Variants in AKAP1 observed in about 807,000 individuals in gnomAD.
AKAP1 encodes the protein A-kinase anchoring protein 1.
AKAP1 carries 32 observed loss-of-function variants against 79.8 expected under a neutral mutation model. The observed-to-expected ratio is 0.40, with a 90% confidence interval of 0.30 to 0.54. The LOEUF (loss-of-function observed/expected upper bound fraction) is 0.54. Ranked by LOEUF, AKAP1 falls within the 20% of genes least tolerant of loss-of-function variation. The pLI, the probability that AKAP1 is intolerant of heterozygous loss-of-function variation, is 0.47. For missense variants in AKAP1, 961 were observed against 1,138.9 expected (o/e 0.84, Z 2.25); for synonymous variants, 416 against 466.7 (o/e 0.89, Z 1.40).
chr17:57,118,327 G>A, intron 8 of AKAP1, 54 bp from the exon 9 acceptor site: 1 of 1,537,790 alleles, frequency 6.5e-7, no homozygotes, highest in Non-Finnish European at 9.0e-7. Context: ...TACATGACAA[G>A]GGTGCCTTGC....
At position 57,119,830 on chromosome 17, in the gene AKAP1, CTTT is replaced by C. The variant is rs3054874; in HGVS notation, c.2638-402_2638-400del. 3.1e-4 allele frequency among the ~76,000 whole-genome samples: 22 copies of C among 70,310 alleles called. 1 individual carries two copies. Among genetic ancestry groups the C allele is most frequent in the South Asian group, 6.3e-4 (1 of 1,582 alleles). 46.1% of individuals were successfully genotyped at this position (70,310 alleles called of 152,430 possible). A position where few individuals can be genotyped will look rare whatever the true frequency, so the allele number is the denominator to read the frequency against. On this transcript the variant is annotated intron_variant, in intron 10 of 10. Transcript: ENST00000337714. ...AAGCCATGTCCCCCACCCTGTTACT[CTTT>C]TTTTTTTTTTTTTTTTTGAGACAGT...
chr17:57,105,787 C>G lies in AKAP1; in HGVS notation c.323C>G (p.Ser108Trp), dbSNP rs201072232. The G allele has an allele frequency of 1.3e-5, 21 of 1,614,068 alleles. No individual in the cohort carries two copies. The highest frequency in any genetic ancestry group is 2.2e-5 in the East Asian group (1 of 44,902). Residue 108 changes from serine to tryptophan, a missense_variant, in exon 2 of 11, where the codon TCG (serine) becomes TGG (tryptophan). Physicochemically the swap from Ser to Trp is radical, Grantham distance 177. Around this residue, in one of 3 missense-constraint regions of AKAP1, gnomAD observed 108 missense variants for 147.6 expected, o/e 0.73. Transcript: ENST00000337714. ...THPPCRRSES[S>W]GILPNTTDMR... ...CCACCTTGCCGAAGATCAGAGTCCT[C>G]GGGCATTCTTCCTAACACCACAGAC...
chr17:57,107,056 C>T lies in AKAP1; in HGVS notation c.1592C>T (p.Ala531Val), dbSNP rs962670970. Residue 531 changes from alanine (A) to valine (V), a missense_variant, in exon 2 of 11, where the codon GCC (alanine) becomes GTC (valine). Physicochemically the swap from Ala to Val is moderately conservative, Grantham distance 64. Coordinates refer to ENST00000337714, the MANE Select transcript of AKAP1 (RefSeq NM_003488.4). ...ACCAGCTCGAGCCCCAGGGACAAGGCCATCACCCCGCCACTGCCAGAAAGT... is the reference window on the plus strand; with the variant it reads ...ACCAGCTCGAGCCCCAGGGACAAGGTCATCACCCCGCCACTGCCAGAAAGT... ...TETSSSPRDK[A>V]ITPPLPESTV... 28 of 1,614,024 alleles carry T rather than the reference C, an allele frequency of 1.7e-5. No homozygotes were observed. Among genetic ancestry groups the T allele is most frequent in the African/African-American group, 2.7e-5 (2 of 74,930 alleles).
rs373009342 is a variant in AKAP1, at chr17:57,086,427, G to T, written c.-25+1029G>T. The T allele has an allele frequency of 1.5e-5, 7 of 456,472 alleles. No homozygotes were observed. The highest frequency in any genetic ancestry group is 1.1e-4 in the South Asian group (7 of 64,552). 28.3% of individuals were successfully genotyped at this position (456,472 alleles called of 1,614,324 possible). ...GTGGTAGGCGGTGCTGTGGCGACTC[G>T]GAACGGCATGGGAGCCCTGGGCGTT... On this transcript the variant is annotated intron_variant, in intron 1 of 10. Transcript: ENST00000337714. The surrounding 1 kb of genome is among the most constrained non-coding windows in gnomAD (Gnocchi z 5.1).
At chr17:57,116,053 G>A (rs574893490) in intron 6 of AKAP1, 58 bp from the exon 7 acceptor site, 1 of 1,579,568 alleles carries the variant, frequency 6.3e-7, no homozygotes, top group East Asian at 2.2e-5. Context: ...TGGCCAGGTG[G>A]CCCTTGGTGC....
chr17:57,101,219 C>T (rs1421577082), intron 1 of AKAP1, among the ~76,000 whole-genome samples: 1 of 152,154 alleles, frequency 6.6e-6, no homozygotes, highest in African/African-American at 2.4e-5. Flanking sequence ...TCTCTTTCTT[C>T]CCCCCAGGAT....
intron 1 of AKAP1, among the ~76,000 whole-genome samples, chr17:57,097,022 A>G (rs1004757328): frequency 1.3e-5 from 2 of 151,282 alleles, no homozygotes; most frequent in Non-Finnish European, 2.9e-5. Context: ...CTTGTGACCT[A>G]CTCTACTTTA....
chr17:57,097,428 T>C lies in AKAP1; in HGVS notation c.-24-8013T>C, dbSNP rs534310699. Among the ~76,000 whole-genome samples the C allele has an allele frequency of 1.4e-4, 21 of 152,320 alleles. No homozygotes were observed. In the South Asian group the frequency reaches 3.9e-3, roughly 29 times the overall value. On this transcript the variant is annotated intron_variant, in intron 1 of 10. Coordinates refer to ENST00000337714, the MANE Select transcript of AKAP1 (RefSeq NM_003488.4). ...AGCAAGGTGAATGACTGTGACCTGA[T>C]GAGGAAATAGGTAAATGCATCTGAT...
At position 57,106,723 on chromosome 17, in the gene AKAP1, C is replaced by T. The variant is rs1667263202; in HGVS notation, c.1259C>T (p.Pro420Leu). The part of the protein sequence containing the change: ...AAVAPPDAGL[P>L]LPGLPAEGSP... ...GTTGCCCCGCCGGATGCTGGCCTCC[C>T]CTTGCCAGGCCTACCAGCAGAGGGC... is the stretch of plus-strand genomic sequence containing the variant. The change falls in exon 2 of 11, where the codon CCC (proline) becomes CTC (leucine). Residue 420 changes from proline to leucine, a missense_variant. Transcript: ENST00000337714. 6.2e-7 allele frequency: 1 copy of T among 1,613,874 alleles called. No individual in the cohort carries two copies. Among genetic ancestry groups the T allele is most frequent in the Admixed American group, 1.7e-5 (1 of 60,010 alleles).
At chr17:57,117,587 C>T (rs1004493216) in intron 8 of AKAP1, among the ~76,000 whole-genome samples, 3 of 152,162 alleles carry the variant, frequency 2.0e-5, no homozygotes, top group Non-Finnish European at 2.9e-5. Context: ...TTGTCTTAAG[C>T]GATTTGCATG....
intron 1 of AKAP1, among the ~76,000 whole-genome samples, chr17:57,097,963 A>G (rs543160686): frequency 2.8e-4 from 42 of 152,224 alleles, no homozygotes; most frequent in Non-Finnish European, 5.1e-4. Context: ...ACTGGGACCA[A>G]CACTCTCTGT....
rs139223130 is a variant in AKAP1 at position 57,114,630 on chromosome 17, G to C, written c.2275G>C (p.Val759Leu). The change falls in exon 6 of 11, where the codon GTG becomes CTG. Residue 759 changes from valine (V) to leucine (L), a missense_variant. Val to Leu is a conservative substitution (Grantham distance 32). Around this residue, in one of 3 missense-constraint regions of AKAP1, gnomAD observed 629 missense variants for 781.1 expected, o/e 0.81. Coordinates refer to ENST00000337714, the MANE Select transcript of AKAP1 (RefSeq NM_003488.4). ...TGGAATCCCCACCTTGCCCACCCCA[G>C]TGGAAAGTAAGCAGTGCCCTGAGGG... ...QPGIPTLPTPVEITVICAAPG... is the reference protein window; with the variant it reads ...QPGIPTLPTPLEITVICAAPG... 6.2e-7 allele frequency: 1 copy of C among 1,613,596 alleles called. No homozygotes were observed. Among genetic ancestry groups the C allele is most frequent in the African/African-American group, 1.3e-5 (1 of 74,922 alleles).
At chr17:57,097,468 G>A (rs747059490) in intron 1 of AKAP1, among the ~76,000 whole-genome samples, 4 of 152,240 alleles carry the variant, frequency 2.6e-5, no homozygotes, top group Admixed American at 6.5e-5. Flanking sequence ...GCCAAGAGGC[G>A]CTTTTGGAAT....
chr17:57,113,594 CTTTTTTTT>C (rs1036422001), intron 5 of AKAP1, among the ~76,000 whole-genome samples: 2 of 82,510 alleles, frequency 2.4e-5, no homozygotes, highest in East Asian at 6.2e-4. Flanking sequence ...GACTCACTCT[CTTTTTTTT>C]TTTTTTTTTT....
rs1288420886 is a variant in AKAP1 at position 57,105,714 on chromosome 17, A to G, written c.250A>G (p.Thr84Ala). 18 of 1,613,990 alleles carry G rather than the reference A, an allele frequency of 1.1e-5. No homozygotes were observed. Among genetic ancestry groups the G allele is most frequent in the Admixed American group, 1.7e-5 (1 of 59,996 alleles). Residue 84 changes from threonine to alanine, a missense_variant, in exon 2 of 11, where the codon ACC becomes GCC. Physicochemically the swap from Thr to Ala is moderately conservative, Grantham distance 58 (BLOSUM62 0). Transcript: ENST00000337714. ...AGAGCCTCCAGAAAAGGAACTGTCC[A>G]CCGTGAGCAAGCTGCCTGCAGAGCC... Reference protein sequence around the residue: ...VTEPPEKELSTVSKLPAEPPA... With the variant: ...VTEPPEKELSAVSKLPAEPPA...
chr17:57,118,252 C>T (rs149477635), intron 8 of AKAP1, 129 bp from the exon 9 acceptor site: 282 of 803,646 alleles, frequency 3.5e-4, no homozygotes, highest in Middle Eastern at 2.8e-3. Context: ...GTGGATCTCC[C>T]CAGTGCAGTT....
At chr17:57,095,672 A>G (rs2270278) in intron 1 of AKAP1, 31,538 of 151,908 alleles carry the variant, frequency 0.21, 3,671 homozygotes, top group East Asian at 0.41. Flanking sequence ...CATTAGGAAG[A>G]TCAGGGTCTT....
intron 1 of AKAP1, among the ~76,000 whole-genome samples, chr17:57,100,449 A>ACACACACACACG (rs1555620011): frequency 8.6e-5 from 13 of 151,174 alleles, no homozygotes; most frequent in African/African-American, 2.9e-4. Context: ...ACACACACGC[A>ACACACACACACG]CACACACACA....
chr17:57,114,598 C>G lies in AKAP1; in HGVS notation c.2243C>G (p.Ser748Cys), dbSNP rs374052629. ...GACCAGCAGATGTACCTCTGTTACT[C>G]TCAGCCTGGAATCCCCACCTTGCCC... ...SLDQQMYLCYSQPGIPTLPTP... is the reference protein window; with the variant it reads ...SLDQQMYLCYCQPGIPTLPTP... The change falls in exon 6 of 11, where the codon TCT becomes TGT. Residue 748 changes from serine (S) to cysteine (C), a missense_variant. This residue lies in a region of AKAP1 where 629 missense variants were observed against 781.1 expected (regional missense o/e 0.81). Transcript: ENST00000337714. The G allele has an allele frequency of 1.9e-6, 3 of 1,614,038 alleles. No homozygotes were observed. Among genetic ancestry groups the G allele is most frequent in the Non-Finnish European group, 2.5e-6 (3 of 1,180,028 alleles).
Sources: gnomAD v4.1 joint callset for allele counts (sites outside exome capture counted in the v4.1 genomes callset) on GRCh38, gnomAD v4.1.1 for gene constraint, gnomAD v4.1.1 regional missense constraint, Gnocchi (gnomAD v3.1) non-coding constraint, MANE v1.5 for transcripts, NCBI Gene and HGNC (gene_info 2026-07-23, HGNC 2026-07-21) for gene names.